Variants in NRXN3 observed in about 807,000 individuals in gnomAD.
NRXN3 encodes neurexin III.
In NRXN3, 32 loss-of-function variants were observed where a neutral mutation model predicts 137.6. The observed-to-expected ratio is 0.23, with a 90% confidence interval of 0.18 to 0.31. NRXN3 has a LOEUF of 0.31. Among genes scored for constraint, NRXN3 ranks in the 10% least tolerant of loss-of-function variants. The pLI, the probability that NRXN3 is intolerant of heterozygous loss-of-function variation, is 1.00. For missense variants in NRXN3, 1,574 were observed against 2,062.5 expected, an observed-to-expected ratio of 0.76 and a Z score of 4.59; for synonymous variants, 798 against 784.5, an observed-to-expected ratio of 1.02 and a Z score of -0.29.
At chr14:78,851,027 A>G (rs2099041075) in intron 10 of NRXN3, among the ~76,000 whole-genome samples, 1 of 152,172 alleles carries the variant, frequency 6.6e-6, no homozygotes, top group South Asian at 2.1e-4. Flanking sequence ...ATTATGCAGG[A>G]CTAAACAGAT....
intron 16 of NRXN3, among the ~76,000 whole-genome samples, chr14:79,634,872 TA>T (rs1278381589): frequency 2.6e-5 from 4 of 152,364 alleles, no homozygotes; most frequent in African/African-American, 9.6e-5. Context: ...TCTGTAATTC[TA>T]AGATCGACCT....
chr14:79,126,261 G>C (rs1230498167), intron 15 of NRXN3, among the ~76,000 whole-genome samples: 6 of 151,800 alleles, frequency 4.0e-5, no homozygotes, highest in Non-Finnish European at 8.8e-5. Context: ...TGCCGTGCTG[G>C]TGCGCTGCAC....
chr14:78,708,998 G>T (rs889218744), intron 6 of NRXN3, among the ~76,000 whole-genome samples: 3 of 152,180 alleles, frequency 2.0e-5, no homozygotes, highest in African/African-American at 7.2e-5. Context: ...GGAGACAAAA[G>T]AAATTCTGTA....
chr14:79,080,953 T>TC (rs1568220939), intron 15 of NRXN3, among the ~76,000 whole-genome samples: 1 of 152,094 alleles, frequency 6.6e-6, no homozygotes, highest in Non-Finnish European at 1.5e-5. Flanking sequence ...TTCTTATCCC[T>TC]CCCCCATTAA....
intron 16 of NRXN3, among the ~76,000 whole-genome samples, chr14:79,578,547 G>A (rs911412835): frequency 3.9e-5 from 6 of 152,064 alleles, no homozygotes; most frequent in African/African-American, 1.2e-4. Context: ...CAGATATTCT[G>A]GCATGGCAGC....
intron 4 of NRXN3, among the ~76,000 whole-genome samples, chr14:78,422,801 C>T (rs190960003): frequency 2.0e-5 from 3 of 152,280 alleles, no homozygotes; most frequent in Admixed American, 2.0e-4. Flanking sequence ...TCAGTGATTG[C>T]AATGACTGGA....
At chr14:79,154,406 T>C (rs2060067907) in intron 15 of NRXN3, among the ~76,000 whole-genome samples, 1 of 151,924 alleles carries the variant, frequency 6.6e-6, no homozygotes, top group African/African-American at 2.4e-5. Context: ...GTGATTTGGT[T>C]TTCTGAGAGT....
chr14:79,352,318 GT>G (rs2093249517), intron 15 of NRXN3, among the ~76,000 whole-genome samples: 1 of 152,062 alleles, frequency 6.6e-6, no homozygotes, highest in Non-Finnish European at 1.5e-5. Flanking sequence ...TAAATGTTAT[GT>G]TCTTTCATCC....
At chr14:78,291,007 G>T (rs1313691798) in intron 3 of NRXN3, among the ~76,000 whole-genome samples, 2 of 152,166 alleles carry the variant, frequency 1.3e-5, no homozygotes, top group Non-Finnish European at 2.9e-5. Flanking sequence ...TTGAGGAAAG[G>T]GAGAAGACAG....
At chr14:79,592,576 A>T (rs560884308) in intron 16 of NRXN3, among the ~76,000 whole-genome samples, 1 of 147,538 alleles carries the variant, frequency 6.8e-6, no homozygotes, top group South Asian at 2.1e-4. Flanking sequence ...GATGAAGCCC[A>T]TCAATTTCTA....
chr14:79,532,887 G>A (rs1406423349), intron 16 of NRXN3, among the ~76,000 whole-genome samples: 1 of 152,128 alleles, frequency 6.6e-6, no homozygotes, highest in Non-Finnish European at 1.5e-5. Flanking sequence ...TTCTTTTGGA[G>A]GACTATTTGT....
intron 15 of NRXN3, among the ~76,000 whole-genome samples, chr14:79,370,491 T>G (rs564290083): frequency 6.6e-6 from 1 of 152,048 alleles, no homozygotes; most frequent in South Asian, 2.1e-4. Context: ...GCTAATTTTG[T>G]TTTTTTAGTA....
intron 20 of NRXN3, among the ~76,000 whole-genome samples, chr14:79,811,077 G>A (rs1327541344): frequency 6.6e-6 from 1 of 152,064 alleles, no homozygotes; most frequent in Non-Finnish European, 1.5e-5. Flanking sequence ...TTAGCAAATA[G>A]AATCATGTTA....
intron 15 of NRXN3, among the ~76,000 whole-genome samples, chr14:79,236,365 A>G (rs1014368827): frequency 1.3e-5 from 2 of 152,168 alleles, no homozygotes; most frequent in African/African-American, 4.8e-5. Flanking sequence ...ATGTTCACAT[A>G]CATTTATGTA....
Position 78,487,932 on chromosome 14 carries a change from CAG to C in NRXN3, c.758-157187_758-157186del, listed in dbSNP as rs78791799. Among the ~76,000 whole-genome samples, 857 of 152,048 alleles carry C rather than the reference CAG, an allele frequency of 5.6e-3. 37 individuals carry two copies. In the East Asian group the frequency reaches 0.094, roughly 17 times the overall value. ...ATGCCCTATTTTTCACAGGGTGTAT[CAG>C]TGTGCTTTGGGCTGCCATAGTAAAA... is the stretch of plus-strand genomic sequence containing the variant. On this transcript the variant is annotated intron_variant, in intron 4 of 20. Coordinates refer to ENST00000335750, the MANE Select transcript of NRXN3 (RefSeq NM_001330195.2).
intron 20 of NRXN3, among the ~76,000 whole-genome samples, chr14:79,810,801 A>G (rs1484685809): frequency 6.6e-6 from 1 of 152,240 alleles, no homozygotes; most frequent in Non-Finnish European, 1.5e-5. Context: ...ATTTGCTGGA[A>G]CATGGTAGAA....
Position 78,679,510 on chromosome 14 carries a change from A to G in NRXN3, c.1221+28184A>G, listed in dbSNP as rs1218431504. ...CAGAAAATGGCTCTTCTCTTAATTA[A>G]TTAATTTCAATTTGATGAATTAACT... On this transcript the variant is annotated intron_variant, in intron 6 of 20. Coordinates refer to ENST00000335750, the MANE Select transcript of NRXN3 (RefSeq NM_001330195.2). 2.6e-5 allele frequency among the ~76,000 whole-genome samples: 4 copies of G among 152,214 alleles called. No individual in the cohort carries two copies. The East Asian group carries it at 7.7e-4, about 29-fold the overall frequency.
intron 15 of NRXN3, among the ~76,000 whole-genome samples, chr14:79,335,938 G>C (rs2092226767): frequency 6.6e-6 from 1 of 151,986 alleles, no homozygotes; most frequent in Middle Eastern, 3.2e-3. Flanking sequence ...TTCTACTCAA[G>C]TGGGCCATTT....
chr14:78,379,739 A>C (rs1039113183), intron 4 of NRXN3, among the ~76,000 whole-genome samples: 14 of 152,234 alleles, frequency 9.2e-5, no homozygotes, highest in African/African-American at 2.7e-4. Context: ...AAATAGTGCT[A>C]GAAGTTCTAG....
Sources: gnomAD v4.1 joint callset for allele counts (sites outside exome capture counted in the v4.1 genomes callset) on GRCh38, gnomAD v4.1.1 for gene constraint, MANE v1.5 for transcripts, NCBI Gene and HGNC (gene_info 2026-07-23, HGNC 2026-07-21) for gene names.